Variants in BRIP1 observed in about 807,000 individuals in gnomAD.
The protein encoded by BRIP1 is BRCA1 interacting DNA helicase 1.
In BRIP1, 88 loss-of-function variants were observed where a neutral mutation model predicts 119.7. That is an observed-to-expected ratio of 0.74 (90% CI 0.62 to 0.88). The LOEUF is 0.88. Ranked by LOEUF, BRIP1 falls within the 40% of genes least tolerant of loss-of-function variation. The pLI is 0.00. For missense variants in BRIP1, 1,259 were observed against 1,455.4 expected (o/e 0.87, Z 2.20); for synonymous variants, 443 against 496.5 (o/e 0.89, Z 1.43).
Position 61,706,480 on chromosome 17 carries a change from T to C in BRIP1, c.2492+9471A>G, listed in dbSNP as rs1384089863. Among the ~76,000 whole-genome samples, 1 of 152,136 alleles carries C rather than the reference T, an allele frequency of 6.6e-6. No individual in the cohort carries two copies. Among genetic ancestry groups the C allele is most frequent in the Admixed American group, 6.5e-5 (1 of 15,276 alleles). On this transcript the variant is annotated intron_variant, in intron 17 of 19. Coordinates refer to ENST00000259008, the MANE Select transcript of BRIP1 (RefSeq NM_032043.3). This position sits in a 1 kb window ranked among gnomAD's most constrained non-coding sequence, Gnocchi z 5.7. ...TTATGTTTTCAATGAAAAACATAAC[T>C]GTCCTTTCCCTACCCACCTCCTGTT...
intron 16 of BRIP1, among the ~76,000 whole-genome samples, chr17:61,721,121 C>T (rs1022157657): frequency 6.6e-6 from 1 of 152,122 alleles, no homozygotes; most frequent in Non-Finnish European, 1.5e-5. Context: ...GGATTACAGG[C>T]GTGAGCCACT....
chr17:61,777,352 C>T (rs1413780719), intron 13 of BRIP1, among the ~76,000 whole-genome samples: 1 of 152,160 alleles, frequency 6.6e-6, no homozygotes, highest in African/African-American at 2.4e-5. Flanking sequence ...GTTTTTTCCA[C>T]ATACCAAGCA....
chr17:61,803,459 T>C lies in BRIP1; in HGVS notation c.919-1985A>G, dbSNP rs2078026327. The stretch of plus-strand genomic sequence containing the variant: ...GGCTCATGCCTATAATCCCAACATT[T>C]TGAGAGGCCAAGGCCGGAGGACTGC... On this transcript the variant is annotated intron_variant, in intron 7 of 19. Transcript: ENST00000259008. This position sits in a 1 kb window ranked among gnomAD's most constrained non-coding sequence, Gnocchi z 4.3. Among the ~76,000 whole-genome samples the C allele has an allele frequency of 6.6e-6, 1 of 152,068 alleles. No individual in the cohort carries two copies. The highest frequency in any genetic ancestry group is 1.5e-5 in the Non-Finnish European group (1 of 67,994).
Position 61,752,393 on chromosome 17 carries a change from C to G in BRIP1, c.2098-7802G>C, listed in dbSNP as rs1444536564. Among the ~76,000 whole-genome samples, 1 of 152,098 alleles carries G rather than the reference C, an allele frequency of 6.6e-6. No homozygotes were observed. Among genetic ancestry groups the G allele is most frequent in the African/African-American group, 2.4e-5 (1 of 41,434 alleles). On this transcript the variant is annotated intron_variant, in intron 14 of 19. Transcript: ENST00000259008. The surrounding 1 kb of genome is among the most constrained non-coding windows in gnomAD (Gnocchi z 6.2). ...AAGAAACAGTACAAACTTTCCATTTCAAATGGAGGCAAAGGCCCACTAGAA... is the reference window on the plus strand; with the variant it reads ...AAGAAACAGTACAAACTTTCCATTTGAAATGGAGGCAAAGGCCCACTAGAA...
rs970768248 is a variant in BRIP1, at chr17:61,786,585, T to TATATA, written c.1474-2166_1474-2162dup. Among the ~76,000 whole-genome samples the TATATA allele has an allele frequency of 1.7e-3, 256 of 147,078 alleles. 2 individuals carry two copies. The highest frequency in any genetic ancestry group is 4.8e-3 in the African/African-American group (193 of 40,556). On this transcript the variant is annotated intron_variant, in intron 10 of 19. Coordinates refer to ENST00000259008, the MANE Select transcript of BRIP1 (RefSeq NM_032043.3). ...TAATCCAATAAAAATAACTATAAAA[T>TATATA]ATATAATATAATAAAAATATAATAT... is the stretch of plus-strand genomic sequence containing the variant.
chr17:61,836,454 TAA>T (rs1226107077), intron 6 of BRIP1, among the ~76,000 whole-genome samples: 1 of 152,166 alleles, frequency 6.6e-6, no homozygotes, highest in African/African-American at 2.4e-5. Context: ...CACCTGTATT[TAA>T]CAATACTGTC....
chr17:61,821,785 T>C (rs1468089497), intron 6 of BRIP1, among the ~76,000 whole-genome samples: 1 of 152,094 alleles, frequency 6.6e-6, no homozygotes, highest in East Asian at 1.9e-4. Context: ...ATGGCACAAT[T>C]ATGACTCACT....
chr17:61,847,777 A>G (rs1193815361), intron 5 of BRIP1, among the ~76,000 whole-genome samples: 2 of 152,296 alleles, frequency 1.3e-5, no homozygotes, highest in East Asian at 3.9e-4. Flanking sequence ...AACTGTATCC[A>G]TGCTTTTCCT....
intron 16 of BRIP1, among the ~76,000 whole-genome samples, chr17:61,737,379 A>G (rs146666904): frequency 3.9e-5 from 6 of 152,170 alleles, no homozygotes; most frequent in African/African-American, 1.4e-4. Context: ...CACATAGAAA[A>G]ATTTACTCAA....
At position 61,699,060 on chromosome 17, in the gene BRIP1, G is replaced by A. The variant is rs974726866; in HGVS notation, c.2493-5548C>T. Among the ~76,000 whole-genome samples the A allele has an allele frequency of 2.0e-5, 3 of 152,058 alleles. No individual in the cohort carries two copies. Among genetic ancestry groups the A allele is most frequent in the Non-Finnish European group, 4.4e-5 (3 of 68,006 alleles). On this transcript the variant is annotated intron_variant, in intron 17 of 19. Transcript: ENST00000259008. The surrounding 1 kb of genome is among the most constrained non-coding windows in gnomAD (Gnocchi z 4.8). ...CTATTAACTTTTTTTTGTCTTAAGG[G>A]TCTATTTTATCTGATATTAGTATAA...
chr17:61,792,389 A>G (rs1438821842), intron 10 of BRIP1, among the ~76,000 whole-genome samples: 3 of 152,238 alleles, frequency 2.0e-5, no homozygotes, highest in Non-Finnish European at 4.4e-5. Flanking sequence ...TAATAGCTTT[A>G]TTCACAATTG....
rs2144091008 is a variant in BRIP1, at chr17:61,684,022, C to CA, written c.3023dup (p.Leu1008PhefsTer8). On this transcript the variant is annotated frameshift_variant, in exon 20 of 20. Transcript: ENST00000259008. LOFTEE classifies it low-confidence loss of function (END_TRUNC). This position sits in a 1 kb window ranked among gnomAD's most constrained non-coding sequence, Gnocchi z 4.5. ...GTATTTTACCAGTAAAATACTGTCCCAAAGAATTAAAGCTTGACCAGCTAA... is the reference window on the plus strand; with the variant it reads ...GTATTTTACCAGTAAAATACTGTCCCAAAAGAATTAAAGCTTGACCAGCTAA... The CA allele has an allele frequency of 1.9e-6, 3 of 1,614,056 alleles. No homozygotes were observed. Among genetic ancestry groups the CA allele is most frequent in the Non-Finnish European group, 2.5e-6 (3 of 1,179,990 alleles).
Position 61,735,811 on chromosome 17 carries a change from T to TA in BRIP1, c.2379+7201dup, listed in dbSNP as rs111364178. Among the ~76,000 whole-genome samples the TA allele has an allele frequency of 2.0e-4, 30 of 151,688 alleles. No homozygotes were observed. Among genetic ancestry groups the TA allele is most frequent in the African/African-American group, 6.5e-4 (27 of 41,342 alleles). On this transcript the variant is annotated intron_variant, in intron 16 of 19. Transcript: ENST00000259008. This position sits in a 1 kb window ranked among gnomAD's most constrained non-coding sequence, Gnocchi z 4.4. Reference sequence around the variant, plus strand: ...GTGAGACCCTGTTTTCAAAAAAATTTAAAAAAGACTGCCTCTTGGATGGAT... The same window carrying TA: ...GTGAGACCCTGTTTTCAAAAAAATTTAAAAAAAGACTGCCTCTTGGATGGAT...
chr17:61,743,072 C>A lies in BRIP1; in HGVS notation c.2320G>T (p.Asp774Tyr), dbSNP rs2144677387. ...ATTGTTATGACAGCACGGGCATTGT[C>A]ATCTGAGAAATCCAGACCCTCACTC... ...KVSEGLDFSD[D>Y]NARAVITIGI... Residue 774 changes from aspartate to tyrosine, a missense_variant, in exon 16 of 20, where the codon GAC becomes TAC. Asp to Tyr is a radical substitution (Grantham distance 160). Coordinates refer to ENST00000259008, the MANE Select transcript of BRIP1 (RefSeq NM_032043.3). The surrounding 1 kb of genome is among the most constrained non-coding windows in gnomAD (Gnocchi z 4.3). 1 of 1,613,946 alleles carries A rather than the reference C, an allele frequency of 6.2e-7. No individual in the cohort carries two copies. The highest frequency in any genetic ancestry group is 1.1e-5 in the South Asian group (1 of 91,066).
At chr17:61,714,893 C>A (rs1375455282) in intron 17 of BRIP1, among the ~76,000 whole-genome samples, 3 of 151,248 alleles carry the variant, frequency 2.0e-5, no homozygotes, top group Non-Finnish European at 2.9e-5. Context: ...CCCCCACCTC[C>A]CAGGCTCAAG....
rs75919233 is a variant in BRIP1 at position 61,750,516 on chromosome 17, G to A, written c.2098-5925C>T. ...ACTAAAGAAAAATACAGATAAACTC[G>A]GATTTCATAAAAAATTATAAAACTT... On this transcript the variant is annotated intron_variant, in intron 14 of 19. Coordinates refer to ENST00000259008, the MANE Select transcript of BRIP1 (RefSeq NM_032043.3). Among the ~76,000 whole-genome samples the A allele has an allele frequency of 2.6e-4, 39 of 152,038 alleles. No homozygotes were observed. The East Asian group carries it at 6.2e-3, about 24-fold the overall frequency.
Position 61,729,823 on chromosome 17 carries a change from G to C in BRIP1, c.2379+13190C>G, listed in dbSNP as rs756047132. Reference sequence around the variant, plus strand: ...AACCAGAAGATAATGGCAATGTCTAGAGATATTTTGGGTTATCACAACTGG... The same window carrying C: ...AACCAGAAGATAATGGCAATGTCTACAGATATTTTGGGTTATCACAACTGG... On this transcript the variant is annotated intron_variant, in intron 16 of 19. Transcript: ENST00000259008. This position sits in a 1 kb window ranked among gnomAD's most constrained non-coding sequence, Gnocchi z 5.6. Among the ~76,000 whole-genome samples, 2 of 152,036 alleles carry C rather than the reference G, an allele frequency of 1.3e-5. No homozygotes were observed. Among genetic ancestry groups the C allele is most frequent in the African/African-American group, 4.8e-5 (2 of 41,372 alleles).
chr17:61,822,612 A>G lies in BRIP1; in HGVS notation c.628-13855T>C, dbSNP rs1299989134. Among the ~76,000 whole-genome samples the G allele has an allele frequency of 6.6e-6, 1 of 152,238 alleles. No individual in the cohort carries two copies. Among genetic ancestry groups the G allele is most frequent in the African/African-American group, 2.4e-5 (1 of 41,464 alleles). ...ATTGTTCAGAATATTAGATTAAGGA[A>G]AGAGCTGAGACAAGGTTTCCTTGTG... On this transcript the variant is annotated intron_variant, in intron 6 of 19. Coordinates refer to ENST00000259008, the MANE Select transcript of BRIP1 (RefSeq NM_032043.3). This position sits in a 1 kb window ranked among gnomAD's most constrained non-coding sequence, Gnocchi z 4.4.
Position 61,845,719 on chromosome 17 carries a change from T to A in BRIP1, c.627+1382A>T, listed in dbSNP as rs1225947756. On this transcript the variant is annotated intron_variant, in intron 6 of 19. Transcript: ENST00000259008. The surrounding 1 kb of genome is among the most constrained non-coding windows in gnomAD (Gnocchi z 4.2). Reference sequence around the variant, plus strand: ...AGTCAGCTCACAATCCAAACTATCCTACAGGCGCTTCTCCCCAGGACATCC... The same window carrying A: ...AGTCAGCTCACAATCCAAACTATCCAACAGGCGCTTCTCCCCAGGACATCC... 6.6e-6 allele frequency among the ~76,000 whole-genome samples: 1 copy of A among 152,210 alleles called. No individual in the cohort carries two copies. Among genetic ancestry groups the A allele is most frequent in the African/African-American group, 2.4e-5 (1 of 41,456 alleles).
Sources: allele counts gnomAD v4.1 joint callset (sites outside exome capture counted in the v4.1 genomes callset), GRCh38; gene constraint gnomAD v4.1.1; non-coding constraint Gnocchi (gnomAD v3.1); transcripts MANE v1.5; gene names NCBI Gene and HGNC (gene_info 2026-07-23, HGNC 2026-07-21).